The following BEND6 variants were observed in gnomAD, a reference collection of about 807,000 sequenced individuals.
The protein encoded by BEND6 is BEN domain containing 6, also known as BEN domain-containing protein 6.
BEND6 carries 24 observed loss-of-function variants against 31.8 expected under a neutral mutation model. The ratio of observed to expected loss-of-function variants is 0.75; its 90% CI spans 0.55 to 1.06. The LOEUF is 1.06. BEND6 is among the 50% of genes least tolerant of loss of function. The probability of loss-of-function intolerance (pLI) is 0.00; values close to 1 mark genes in which losing one functional copy is unlikely to be tolerated. For synonymous variants in BEND6, 109 were observed against 114.6 expected, an observed-to-expected ratio of 0.95 and a Z score of 0.31; for missense variants, 294 against 327.4, an observed-to-expected ratio of 0.90 and a Z score of 0.79.
rs371250807 is a variant in BEND6 at position 57,015,398 on chromosome 6, A to G, written c.519+45A>G. 62 of 1,501,204 alleles carry G rather than the reference A, an allele frequency of 4.1e-5. 1 individual carries two copies. The highest frequency in any genetic ancestry group is 3.5e-4 in the Middle Eastern group (2 of 5,710). The allele number at this position is 1,501,204 out of a possible 1,614,324, so 93.0% of individuals were successfully genotyped here. ...TTATTGTTCTTTGGAATATGCTTAA[A>G]TAAAAAATTTAAATAAGGGTGGAAA... On this transcript the variant is annotated intron_variant, in intron 4 of 6. Transcript: ENST00000370746.
At position 57,020,889 on chromosome 6, in the gene BEND6, C is replaced by G. The variant is rs963210791; in HGVS notation, c.*9+2332C>G. The stretch of plus-strand genomic sequence containing the variant: ...GACTTCCAAGGATAGGCACAAAACT[C>G]ATCTCTGACTATATCAGCCAGCAGA... On this transcript the variant is annotated intron_variant, in intron 6 of 6. Coordinates refer to ENST00000370746, the MANE Select transcript of BEND6 (RefSeq NM_152731.3). Among the ~76,000 whole-genome samples, 11 of 148,926 alleles carry G rather than the reference C, an allele frequency of 7.4e-5. 1 individual carries two copies. Among genetic ancestry groups the G allele is most frequent in the Admixed American group, 1.3e-4 (2 of 14,956 alleles).
intron 3 of BEND6, among the ~76,000 whole-genome samples, chr6:57,002,922 TC>T (rs1827000023): frequency 6.6e-6 from 1 of 152,128 alleles, no homozygotes; most frequent in Admixed American, 6.5e-5. Context: ...AAAAGTTTGT[TC>T]TTTGAAAGGA....
intron 3 of BEND6, among the ~76,000 whole-genome samples, chr6:57,000,544 G>A (rs982323458): frequency 2.7e-5 from 4 of 146,872 alleles, no homozygotes; most frequent in African/African-American, 7.7e-5. Flanking sequence ...CCCCCTCTCC[G>A]AGAAACACCC....
At chr6:56,977,349 C>G (rs1188047233) in intron 1 of BEND6, among the ~76,000 whole-genome samples, 1 of 151,890 alleles carries the variant, frequency 6.6e-6, no homozygotes, top group Non-Finnish European at 1.5e-5. Flanking sequence ...GAGTGACTAA[C>G]AAATTAGTTT....
At chr6:56,979,544 A>G (rs1437674977) in intron 1 of BEND6, among the ~76,000 whole-genome samples, 2 of 152,208 alleles carry the variant, frequency 1.3e-5, no homozygotes, top group Non-Finnish European at 2.9e-5. Context: ...GTAAAATCTC[A>G]TTACAGGTCA....
intron 3 of BEND6, among the ~76,000 whole-genome samples, chr6:57,005,506 T>G (rs1827123337): frequency 6.6e-6 from 1 of 151,746 alleles, no homozygotes; most frequent in Non-Finnish European, 1.5e-5. Context: ...TGAAACTCCA[T>G]CTCTACTAAA....
chr6:57,011,071 C>G (rs1827325510), intron 3 of BEND6: 1 of 162,356 alleles, frequency 6.2e-6, no homozygotes, highest in Admixed American at 6.5e-5. Context: ...ATCCCATGCT[C>G]CAATAGATAA....
chr6:56,994,538 A>C (rs1428232540), intron 3 of BEND6, among the ~76,000 whole-genome samples: 1 of 151,476 alleles, frequency 6.6e-6, no homozygotes, highest in Non-Finnish European at 1.5e-5. Context: ...TTGCTGTAAA[A>C]CTTTGGCCAT....
At chr6:56,971,200 G>C (rs1015402236) in intron 1 of BEND6, among the ~76,000 whole-genome samples, 4 of 152,036 alleles carry the variant, frequency 2.6e-5, no homozygotes, top group African/African-American at 7.2e-5. Context: ...GACTATTCTG[G>C]TACCTCATGT....
At chr6:57,012,238 A>G (rs1365375990) in intron 3 of BEND6, among the ~76,000 whole-genome samples, 1 of 152,266 alleles carries the variant, frequency 6.6e-6, no homozygotes, top group Non-Finnish European at 1.5e-5. Flanking sequence ...AAATGTTAGC[A>G]ATAAAAAGGA....
chr6:56,956,672 T>C (rs896442), intron 1 of BEND6, among the ~76,000 whole-genome samples: 1 of 152,234 alleles, frequency 6.6e-6, no homozygotes, highest in Admixed American at 6.5e-5. Flanking sequence ...TGGCAGCATG[T>C]AGGCTGCACT....
chr6:56,967,716 G>A (rs1825536183), intron 1 of BEND6, among the ~76,000 whole-genome samples: 1 of 152,150 alleles, frequency 6.6e-6, no homozygotes, highest in South Asian at 2.1e-4. Context: ...GCAAACTTAG[G>A]CAAGGAGGGC....
chr6:56,992,555 G>T lies in BEND6; in HGVS notation c.298G>T (p.Val100Leu). The change falls in exon 3 of 7, where the codon GTG becomes TTG. Residue 100 changes from valine (V) to leucine (L), a missense_variant and splice_region_variant. Coordinates refer to ENST00000370746, the MANE Select transcript of BEND6 (RefSeq NM_152731.3). ...RLRQSLVMLQ[V>L]LPQAVTQFEE... ...TCGACAGTCTTTGGTCATGCTTCAA[G>T]GTAAACTTTGAGAAAATTGACATTT... 1 of 1,602,770 alleles carries T rather than the reference G, an allele frequency of 6.2e-7. No homozygotes were observed. The highest frequency in any genetic ancestry group is 1.1e-5 in the South Asian group (1 of 88,684).
intron 1 of BEND6, among the ~76,000 whole-genome samples, chr6:56,971,843 C>T (rs1188997158): frequency 2.0e-5 from 3 of 151,952 alleles, no homozygotes; most frequent in African/African-American, 7.2e-5. Context: ...GAATTCTGTG[C>T]GTTCTGGATA....
At chr6:57,002,838 G>A (rs1198357354) in intron 3 of BEND6, among the ~76,000 whole-genome samples, 4 of 151,732 alleles carry the variant, frequency 2.6e-5, no homozygotes, top group Non-Finnish European at 5.9e-5. Flanking sequence ...GCTAGCAGAA[G>A]AAAAGAAATC....
At chr6:56,998,920 A>G (rs552738971) in intron 3 of BEND6, among the ~76,000 whole-genome samples, 97 of 152,338 alleles carry the variant, frequency 6.4e-4, no homozygotes, top group Non-Finnish European at 1.1e-3. Context: ...CAGAAAATAT[A>G]GGGAACTCAA....
chr6:57,005,402 G>A (rs899630506), intron 3 of BEND6, among the ~76,000 whole-genome samples: 2 of 152,092 alleles, frequency 1.3e-5, no homozygotes, highest in Admixed American at 6.5e-5. Flanking sequence ...TGGGCCACGC[G>A]CAGTGGTCCA....
chr6:56,970,690 T>G (rs1825662010), intron 1 of BEND6, among the ~76,000 whole-genome samples: 1 of 152,246 alleles, frequency 6.6e-6, no homozygotes, highest in African/African-American at 2.4e-5. Flanking sequence ...AATTTGCTAA[T>G]TGGCAGCTAA....
At chr6:57,011,643 G>A (rs1189337178) in intron 3 of BEND6, among the ~76,000 whole-genome samples, 1 of 148,814 alleles carries the variant, frequency 6.7e-6, no homozygotes, top group South Asian at 2.1e-4. Context: ...GTTTGAGCCC[G>A]GGAAGTCAAG....
Sources: gnomAD v4.1 joint callset for allele counts (sites outside exome capture counted in the v4.1 genomes callset) on GRCh38, gnomAD v4.1.1 for gene constraint, MANE v1.5 for transcripts, NCBI Gene and HGNC (gene_info 2026-07-23, HGNC 2026-07-21) for gene names.